The following FAM168A variants were observed in gnomAD, a reference collection of about 807,000 sequenced individuals.
FAM168A encodes family with sequence similarity 168 member A, also known as protein FAM168A.
In FAM168A, 3 loss-of-function variants were observed where a neutral mutation model predicts 28.5. That is an observed-to-expected ratio of 0.11 (90% CI 0.05 to 0.27). The LOEUF is 0.27. FAM168A is among the 10% of genes least tolerant of loss of function. The pLI is 1.00. For missense variants in FAM168A, 222 were observed against 311.5 expected (o/e 0.71, Z 2.16); for synonymous variants, 122 against 124.2 (o/e 0.98, Z 0.12).
At chr11:73,548,964 C>T (rs143190269) in intron 1 of FAM168A, among the ~76,000 whole-genome samples, 3,922 of 151,782 alleles carry the variant, frequency 0.026, 76 homozygotes, top group Middle Eastern at 0.041. Flanking sequence ...TTTTTTGAGA[C>T]GGAGTTTTGC....
At chr11:73,541,266 G>T (rs1055448316) in intron 1 of FAM168A, among the ~76,000 whole-genome samples, 1 of 150,124 alleles carries the variant, frequency 6.7e-6, no homozygotes, top group African/African-American at 2.5e-5. Context: ...GTGTAAAAAG[G>T]TAGTTGCTAT....
intron 2 of FAM168A, among the ~76,000 whole-genome samples, chr11:73,462,006 A>T (rs540148568): frequency 1.3e-5 from 2 of 152,342 alleles, no homozygotes; most frequent in African/African-American, 4.8e-5. Context: ...AACTTTTATA[A>T]ACCACAAGGG....
chr11:73,559,238 T>A (rs949536639), intron 1 of FAM168A, among the ~76,000 whole-genome samples: 1 of 152,114 alleles, frequency 6.6e-6, no homozygotes, highest in South Asian at 2.1e-4. Context: ...TGAAACCCTG[T>A]CTCTACTAAA....
chr11:73,468,159 A>C (rs749143333), intron 2 of FAM168A, among the ~76,000 whole-genome samples: 2 of 152,254 alleles, frequency 1.3e-5, no homozygotes, highest in Non-Finnish European at 2.9e-5. Context: ...CAATATTTTA[A>C]AATAATCAAA....
At chr11:73,568,761 G>T (rs1405256600) in intron 1 of FAM168A, among the ~76,000 whole-genome samples, 1 of 152,088 alleles carries the variant, frequency 6.6e-6, no homozygotes, top group Non-Finnish European at 1.5e-5. Context: ...TGGGTATGGT[G>T]GTGGGCACCT....
At chr11:73,552,675 G>A (rs902141985) in intron 1 of FAM168A, among the ~76,000 whole-genome samples, 2 of 152,146 alleles carry the variant, frequency 1.3e-5, no homozygotes, top group African/African-American at 4.8e-5. Context: ...TAATGGATGA[G>A]GCCAGGCGTG....
chr11:73,416,172 T>C (rs1337344816), intron 4 of FAM168A, among the ~76,000 whole-genome samples: 4 of 152,226 alleles, frequency 2.6e-5, no homozygotes, highest in Admixed American at 2.6e-4. Context: ...AGAGGCTTTG[T>C]TTATGATGTC....
intron 1 of FAM168A, among the ~76,000 whole-genome samples, chr11:73,515,572 A>G (rs1590827191): frequency 6.6e-6 from 1 of 151,980 alleles, no homozygotes; most frequent in Non-Finnish European, 1.5e-5. Flanking sequence ...GAAAAGAAAA[A>G]GTACCATTAC....
intron 1 of FAM168A, among the ~76,000 whole-genome samples, chr11:73,498,506 G>A (rs2134620074): frequency 6.6e-6 from 1 of 152,288 alleles, no homozygotes; most frequent in Non-Finnish European, 1.5e-5. Flanking sequence ...GAACTCCCTG[G>A]GGGAGGGGCG....
intron 1 of FAM168A, among the ~76,000 whole-genome samples, chr11:73,561,062 A>G (rs569266051): frequency 8.9e-6 from 1 of 112,194 alleles, no homozygotes; most frequent in East Asian, 2.3e-4. Flanking sequence ...ACTCTGTCCC[A>G]AAAAAAAAAA....
chr11:73,558,059 T>C (rs1439460787), intron 1 of FAM168A, among the ~76,000 whole-genome samples: 5 of 152,198 alleles, frequency 3.3e-5, no homozygotes, highest in African/African-American at 9.6e-5. Context: ...GATACAACCA[T>C]GATAAATCTT....
chr11:73,538,979 T>C (rs1046185003), intron 1 of FAM168A, among the ~76,000 whole-genome samples: 1 of 152,228 alleles, frequency 6.6e-6, no homozygotes, highest in African/African-American at 2.4e-5. Flanking sequence ...ACTACAGTAG[T>C]TAGATCCTCA....
rs1338845789 is a variant in FAM168A, at chr11:73,405,817, A to G, written c.*946T>C. 6.6e-6 allele frequency: 1 copy of G among 152,264 alleles called. No individual in the cohort carries two copies. The highest frequency in any genetic ancestry group is 1.5e-5 in the Non-Finnish European group (1 of 68,044). The allele number at this position is 152,264 out of a possible 1,614,324, so 9.4% of individuals were successfully genotyped here. A position where few individuals can be genotyped will look rare whatever the true frequency, so the allele number is the denominator to read the frequency against. ...AGAAATGCCCTAGGTTCCCACTCCA[A>G]TCAGGAGGAAGCTCCTCATCAGAGT... is the stretch of plus-strand genomic sequence containing the variant. On this transcript the variant is annotated 3_prime_UTR_variant, in exon 8 of 8. Transcript: ENST00000356467.
chr11:73,447,557 CAAAA>C (rs1183575850), intron 2 of FAM168A, among the ~76,000 whole-genome samples: 5 of 89,496 alleles, frequency 5.6e-5, no homozygotes, highest in Admixed American at 1.3e-4. Context: ...GACCCTGTCT[CAAAA>C]AAAAAAAAAA....
At chr11:73,587,151 T>TC (rs1565309741) in intron 1 of FAM168A, among the ~76,000 whole-genome samples, 2 of 112,586 alleles carry the variant, frequency 1.8e-5, no homozygotes, top group Non-Finnish European at 3.2e-5. Flanking sequence ...CATGGACATG[T>TC]TAAAAAAAAA....
chr11:73,420,845 A>G (rs569824813), intron 3 of FAM168A: 37 of 152,764 alleles, frequency 2.4e-4, no homozygotes, highest in African/African-American at 8.9e-4. Flanking sequence ...CTGAAGGATG[A>G]TACTTCATAT....
chr11:73,430,305 C>A, intron 3 of FAM168A: 1 of 223,100 alleles, frequency 4.5e-6, no homozygotes. Flanking sequence ...TGTGTGTGTC[C>A]CAAGGGGTGT....
chr11:73,509,826 T>C (rs1748625221), intron 1 of FAM168A, among the ~76,000 whole-genome samples: 1 of 152,190 alleles, frequency 6.6e-6, no homozygotes, highest in African/African-American at 2.4e-5. Flanking sequence ...ACAAATTTTA[T>C]GCCATCTATG....
intron 1 of FAM168A, among the ~76,000 whole-genome samples, chr11:73,468,993 T>C (rs1393353832): frequency 6.6e-6 from 1 of 152,212 alleles, no homozygotes; most frequent in Middle Eastern, 3.2e-3. Context: ...GGAAAAGCAG[T>C]GTCTCATCCG....
Sources: gnomAD v4.1 joint callset for allele counts (sites outside exome capture counted in the v4.1 genomes callset) on GRCh38, gnomAD v4.1.1 for gene constraint, MANE v1.5 for transcripts, NCBI Gene and HGNC (gene_info 2026-07-23, HGNC 2026-07-21) for gene names.